Variants in IQGAP2 observed in about 807,000 individuals in gnomAD.
The protein encoded by IQGAP2 is IQ motif containing GTPase activating protein 2.
A neutral mutation model predicts 201.3 loss-of-function variants in IQGAP2; 173 were observed. The ratio of observed to expected loss-of-function variants is 0.86; its 90% confidence interval spans 0.76 to 0.98. The LOEUF (loss-of-function observed/expected upper bound fraction) is 0.98, where lower values mean the gene tolerates loss of function less well. Among genes scored for constraint, IQGAP2 ranks in the 50% least tolerant of loss-of-function variants. The pLI, the probability that IQGAP2 is intolerant of heterozygous loss-of-function variation, is 0.00. For synonymous variants in IQGAP2, 675 were observed against 673.9 expected (o/e 1.00, Z -0.03); for missense variants, 1,687 against 1,864.8 (o/e 0.90, Z 1.76).
chr5:76,621,511 C>T (rs1749667825), intron 13 of IQGAP2, among the ~76,000 whole-genome samples: 1 of 152,176 alleles, frequency 6.6e-6, no homozygotes. Flanking sequence ...AAGATAGGCA[C>T]AAAGTTAGAG....
chr5:76,570,331 T>G (rs1239081655), intron 3 of IQGAP2, among the ~76,000 whole-genome samples: 2 of 152,194 alleles, frequency 1.3e-5, no homozygotes, highest in African/African-American at 4.8e-5. Context: ...TTAAACAGTC[T>G]TGGAGATTCT....
intron 35 of IQGAP2, 32 bp downstream of exon 35, chr5:76,702,622 T>A (rs558483198): frequency 1.0e-6 from 1 of 979,070 alleles, no homozygotes; most frequent in African/African-American, 1.6e-5. Context: ...ACATTGATGA[T>A]AAATTTTATA....
At chr5:76,648,958 G>A (rs615951) in intron 17 of IQGAP2, among the ~76,000 whole-genome samples, 54,460 of 152,028 alleles carry the variant, frequency 0.36, 9,845 homozygotes, top group Non-Finnish European at 0.38. Flanking sequence ...GATTCCCAGA[G>A]GAGAGGAGAA....
In IQGAP2 at chr5:76,502,480, A is replaced by G. The variant is rs555290498; in HGVS notation, c.146+40811A>G. On this transcript the variant is annotated intron_variant, in intron 2 of 35. Coordinates refer to ENST00000274364, the MANE Select transcript of IQGAP2 (RefSeq NM_006633.5). ...AAATGGCCATTAAATGCCAACAGCC[A>G]CCACCACTTGCTGAGGGACAATAAA... Among the ~76,000 whole-genome samples, 119 of 152,340 alleles carry G rather than the reference A, an allele frequency of 7.8e-4. 2 individuals carry two copies. The highest frequency in any genetic ancestry group is 2.6e-3 in the African/African-American group (108 of 41,572).
intron 3 of IQGAP2, among the ~76,000 whole-genome samples, chr5:76,563,308 A>C (rs1440837883): frequency 1.3e-5 from 2 of 152,220 alleles, no homozygotes; most frequent in Non-Finnish European, 2.9e-5. Flanking sequence ...AGGAGGGAGA[A>C]GAAAACAAAA....
Position 76,668,783 on chromosome 5 carries a change from A to G in IQGAP2, c.2782A>G (p.Asn928Asp). The change falls in exon 23 of 36, where the codon AAT becomes GAT. Residue 928 changes from asparagine to aspartate, a missense_variant. Coordinates refer to ENST00000274364, the MANE Select transcript of IQGAP2 (RefSeq NM_006633.5). ...VIFTLYNYASNQREEYLLLKL... is the reference protein window; with the variant it reads ...VIFTLYNYASDQREEYLLLKL... ...TTTCACACTATATAATTATGCCTCT[A>G]ATCAGCGAGAAGAATATCTACTTCT... 1 of 1,608,890 alleles carries G rather than the reference A, an allele frequency of 6.2e-7. No individual in the cohort carries two copies. The highest frequency in any genetic ancestry group is 8.5e-7 in the Non-Finnish European group (1 of 1,177,296).
intron 2 of IQGAP2, among the ~76,000 whole-genome samples, chr5:76,486,322 C>T: frequency 6.6e-6 from 1 of 152,116 alleles, no homozygotes; most frequent in East Asian, 1.9e-4. Context: ...ATAAATAAAG[C>T]TTAGATTTTG....
chr5:76,531,087 C>A (rs1759263176), intron 2 of IQGAP2, among the ~76,000 whole-genome samples: 1 of 152,104 alleles, frequency 6.6e-6, no homozygotes, highest in African/African-American at 2.4e-5. Flanking sequence ...AAATTTATTT[C>A]TTTCAGTTCT....
At chr5:76,484,519 A>G (rs974011089) in intron 2 of IQGAP2, among the ~76,000 whole-genome samples, 4 of 152,228 alleles carry the variant, frequency 2.6e-5, no homozygotes, top group Admixed American at 2.6e-4. Flanking sequence ...GCATCATCCT[A>G]TAAAGCAATC....
At chr5:76,601,258 C>A (rs1747409166) in intron 11 of IQGAP2, among the ~76,000 whole-genome samples, 1 of 152,186 alleles carries the variant, frequency 6.6e-6, no homozygotes, top group Non-Finnish European at 1.5e-5. Context: ...GGAAACATAC[C>A]TTTCCTTGGG....
chr5:76,627,481 C>A lies in IQGAP2; in HGVS notation c.1593C>A (p.Asp531Glu). The change falls in exon 14 of 36, where the codon GAC becomes GAA. Residue 531 changes from aspartate to glutamate, a missense_variant. Asp to Glu is a conservative substitution (Grantham distance 45). Transcript: ENST00000274364. ...IQQAVDDANV[D>E]KDRAKQWVTL... ...AAGCCGTCGATGATGCCAACGTGGA[C>A]AAGGACAGAGCAAAACAATGTAAGC... is the stretch of plus-strand genomic sequence containing the variant. The A allele has an allele frequency of 1.3e-6, 2 of 1,588,684 alleles. No homozygotes were observed. The highest frequency in any genetic ancestry group is 1.1e-5 in the South Asian group (1 of 90,448).
At chr5:76,623,145 A>AC (rs755921653) in intron 13 of IQGAP2, 2 of 1,612,554 alleles carry the variant, frequency 1.2e-6, no homozygotes. Flanking sequence ...TCCCCATCCT[A>AC]CCCCCTGAGA....
At chr5:76,456,395 A>G (rs550194992) in intron 1 of IQGAP2, among the ~76,000 whole-genome samples, 1 of 152,354 alleles carries the variant, frequency 6.6e-6, no homozygotes, top group East Asian at 1.9e-4. Flanking sequence ...TTTAAAGCTT[A>G]AGATTAAGCA....
At chr5:76,465,950 C>T (rs1754750715) in intron 2 of IQGAP2, among the ~76,000 whole-genome samples, 1 of 151,980 alleles carries the variant, frequency 6.6e-6, no homozygotes, top group East Asian at 1.9e-4. Context: ...AAACAATGGT[C>T]CCAAATTGAT....
At chr5:76,538,831 G>A (rs1047828068) in intron 2 of IQGAP2, among the ~76,000 whole-genome samples, 4 of 152,152 alleles carry the variant, frequency 2.6e-5, no homozygotes, top group Non-Finnish European at 5.9e-5. Context: ...TGGGATGCTG[G>A]GGTGGAGAGG....
chr5:76,667,877 C>CTTTTTTTT lies in IQGAP2; in HGVS notation c.2680-788_2680-781dup, dbSNP rs540744402. On this transcript the variant is annotated intron_variant, in intron 22 of 35. Transcript: ENST00000274364. ...TGTAGCCGGGCCCTTAGTCCACTTT[C>CTTTTTTTT]TTTTTTTTTTTTTTTTTTTTTTTGA... 7.7e-3 allele frequency among the ~76,000 whole-genome samples: 944 copies of CTTTTTTTT among 123,220 alleles called. 18 individuals carry two copies. The highest frequency in any genetic ancestry group is 0.011 in the Non-Finnish European group (650 of 60,558). The allele number at this position is 123,220 out of a possible 152,430, so 80.8% of individuals were successfully genotyped here. A position where few individuals can be genotyped will look rare whatever the true frequency, so the allele number is the denominator to read the frequency against.
At chr5:76,558,571 T>C (rs1744107468) in intron 2 of IQGAP2, among the ~76,000 whole-genome samples, 1 of 152,208 alleles carries the variant, frequency 6.6e-6, no homozygotes, top group Non-Finnish European at 1.5e-5. Flanking sequence ...AGCAAGTCCA[T>C]GGTATTCTTA....
chr5:76,692,350 C>G (rs1334840596), intron 30 of IQGAP2, among the ~76,000 whole-genome samples: 1 of 152,206 alleles, frequency 6.6e-6, no homozygotes, highest in East Asian at 1.9e-4. Context: ...TGGGGTTTCG[C>G]CATGTTGGCC....
chr5:76,507,784 G>A (rs892283194), intron 2 of IQGAP2, among the ~76,000 whole-genome samples: 1 of 152,086 alleles, frequency 6.6e-6, no homozygotes, highest in African/African-American at 2.4e-5. Context: ...GGCTGAGGCA[G>A]GCGGATCATA....
Sources: gnomAD v4.1 joint callset for allele counts (sites outside exome capture counted in the v4.1 genomes callset) on GRCh38, gnomAD v4.1.1 for gene constraint, MANE v1.5 for transcripts, NCBI Gene and HGNC (gene_info 2026-07-23, HGNC 2026-07-21) for gene names.